Variants in WDFY4 observed in about 807,000 individuals in gnomAD.
The protein encoded by WDFY4 is WD repeat- and FYVE domain-containing protein 4.
WDFY4 carries 169 observed loss-of-function variants against 351.9 expected under a neutral mutation model. That is an observed-to-expected ratio of 0.48 (90% confidence interval 0.42 to 0.55). The LOEUF (loss-of-function observed/expected upper bound fraction) is 0.55. Among genes scored for constraint, WDFY4 ranks in the 20% least tolerant of loss-of-function variants. The pLI, the probability that WDFY4 is intolerant of heterozygous loss-of-function variation, is 0.00. For synonymous variants in WDFY4, 1,622 were observed against 1,574.6 expected, an observed-to-expected ratio of 1.03 and a Z score of -0.71; for missense variants, 3,803 against 3,935.6, an observed-to-expected ratio of 0.97 and a Z score of 0.90.
chr10:48,818,650 C>A (rs1471340160), intron 32 of WDFY4, among the ~76,000 whole-genome samples: 2 of 152,186 alleles, frequency 1.3e-5, no homozygotes, highest in Non-Finnish European at 2.9e-5. Context: ...TTGTCCTTTT[C>A]ATTACAGTCA....
intron 1 of WDFY4, 154 bp from the exon 2 acceptor site, chr10:48,709,562 T>C: frequency 1.5e-6 from 1 of 659,202 alleles, no homozygotes; most frequent in Admixed American, 2.9e-5. Flanking sequence ...AATCCCCTTT[T>C]TAAAAAGGCT....
chr10:48,830,314 G>A (rs2068146739), intron 37 of WDFY4, among the ~76,000 whole-genome samples: 2 of 152,188 alleles, frequency 1.3e-5, no homozygotes, highest in African/African-American at 4.8e-5. Context: ...GTTGGAAGGA[G>A]CTGTTTGAGT....
chr10:48,962,031 G>A (rs1841881275), intron 53 of WDFY4, among the ~76,000 whole-genome samples: 2 of 152,176 alleles, frequency 1.3e-5, no homozygotes, highest in Admixed American at 1.3e-4. Context: ...GAATGTTTGG[G>A]AAGAGCTTGA....
At chr10:48,780,779 A>T (rs941899750) in intron 19 of WDFY4, among the ~76,000 whole-genome samples, 2 of 152,180 alleles carry the variant, frequency 1.3e-5, no homozygotes, top group African/African-American at 4.8e-5. Context: ...GGATTTTCAC[A>T]CAAGTTCCAG....
chr10:48,929,175 A>C (rs1331650165), intron 47 of WDFY4, among the ~76,000 whole-genome samples: 2 of 152,076 alleles, frequency 1.3e-5, no homozygotes, highest in Admixed American at 6.5e-5. Flanking sequence ...AGGAAACATC[A>C]AGTGGAAAAG....
At chr10:48,745,782 A>G in intron 12 of WDFY4, 1 of 437,624 alleles carries the variant, frequency 2.3e-6, no homozygotes, top group South Asian at 2.1e-5. Context: ...GGGCAGCAGA[A>G]ACACCCATCT....
In WDFY4 at chr10:48,743,469, C is replaced by T; in HGVS notation, c.2380C>T (p.Pro794Ser). The T allele has an allele frequency of 2.6e-6, 4 of 1,548,266 alleles. No homozygotes were observed. The South Asian group carries it at 4.8e-5, about 18-fold the overall frequency. The change falls in exon 12 of 62, where the codon CCG becomes TCG. Residue 794 changes from proline (P) to serine (S), a missense_variant. Coordinates refer to ENST00000325239, the MANE Select transcript of WDFY4 (RefSeq NM_001394531.1). Reference protein sequence around the residue: ...LKESLRTKQGPVVDVQKGETG... With the variant: ...LKESLRTKQGSVVDVQKGETG... Reference sequence around the variant, plus strand: ...GGAGTCCCTGAGGACCAAGCAGGGGCCGGTTGTGGATGTTCAGAAGGGAGA... The same window carrying T: ...GGAGTCCCTGAGGACCAAGCAGGGGTCGGTTGTGGATGTTCAGAAGGGAGA...
At chr10:48,905,776 GC>G (rs1161498324) in intron 47 of WDFY4, among the ~76,000 whole-genome samples, 1 of 152,252 alleles carries the variant, frequency 6.6e-6, no homozygotes, top group East Asian at 1.9e-4. Flanking sequence ...TAAATAAACA[GC>G]CCCGGGCTTC....
In WDFY4 at chr10:48,830,957, C is replaced by A. The variant is rs2068169711; in HGVS notation, c.6526+72C>A. 8 of 1,463,714 alleles carry A rather than the reference C, an allele frequency of 5.5e-6. No homozygotes were observed. In the East Asian group the frequency reaches 1.7e-4, roughly 32 times the overall value. The allele number at this position is 1,463,714 out of a possible 1,614,324, so 90.7% of individuals were successfully genotyped here. A position where few individuals can be genotyped will look rare whatever the true frequency, so the allele number is the denominator to read the frequency against. On this transcript the variant is annotated intron_variant, in intron 38 of 61. Transcript: ENST00000325239. ...AGAGCCAGACTCCCGCAAGGTTCAA[C>A]TCAGTGCCTAGAGCCTTTTCCACCT...
At chr10:48,922,476 A>G (rs1490269816) in intron 47 of WDFY4, among the ~76,000 whole-genome samples, 4 of 152,258 alleles carry the variant, frequency 2.6e-5, no homozygotes, top group Non-Finnish European at 5.9e-5. Flanking sequence ...TAACATCTAC[A>G]GCAAGAATGA....
At chr10:48,861,266 C>A (rs533212741) in intron 39 of WDFY4, among the ~76,000 whole-genome samples, 12 of 152,134 alleles carry the variant, frequency 7.9e-5, no homozygotes, top group African/African-American at 2.9e-4. Flanking sequence ...TGTATCTACC[C>A]ATATTTATGT....
At chr10:48,883,389 G>GGT (rs71026226) in intron 43 of WDFY4, among the ~76,000 whole-genome samples, 53,284 of 150,598 alleles carry the variant, frequency 0.35, 11,508 homozygotes, top group Non-Finnish European at 0.49. Flanking sequence ...TTGTGCAAGG[G>GGT]GTGTGTGTGT....
chr10:48,768,961 G>C (rs2065771343), intron 13 of WDFY4, among the ~76,000 whole-genome samples: 1 of 152,212 alleles, frequency 6.6e-6, no homozygotes, highest in East Asian at 1.9e-4. Flanking sequence ...AGCTGAGACT[G>C]TCACTACGGC....
chr10:48,863,325 T>C (rs2069411195), intron 39 of WDFY4, among the ~76,000 whole-genome samples: 1 of 152,206 alleles, frequency 6.6e-6, no homozygotes, highest in South Asian at 2.1e-4. Context: ...GTATGAGAGT[T>C]TCTATTTATC....
chr10:48,790,027 G>T, intron 22 of WDFY4, 42 bp downstream of exon 22: 1 of 1,538,168 alleles, frequency 6.5e-7, no homozygotes, highest in African/African-American at 1.4e-5. Context: ...TGGGAAGCAG[G>T]GTTTGTGCTG....
rs1173078051 is a variant in WDFY4 at position 48,721,245 on chromosome 10, T to C, written c.350-16T>C. 6 of 1,551,274 alleles carry C rather than the reference T, an allele frequency of 3.9e-6. No homozygotes were observed. The highest frequency in any genetic ancestry group is 1.4e-5 in the African/African-American group (1 of 73,026). On this transcript the variant is annotated splice_polypyrimidine_tract_variant and intron_variant, in intron 3 of 61. Transcript: ENST00000325239. ...GGCAGGTCGCTGTATGCCCTGCTGG[T>C]GACACTTTCTTCCAGAGCAAGCTCG... is the stretch of plus-strand genomic sequence containing the variant.
chr10:48,756,638 T>G (rs574890453), intron 12 of WDFY4, among the ~76,000 whole-genome samples: 2 of 152,128 alleles, frequency 1.3e-5, no homozygotes, highest in Non-Finnish European at 2.9e-5. Context: ...AACAATTCCT[T>G]TGAATTTACT....
intron 47 of WDFY4, among the ~76,000 whole-genome samples, chr10:48,928,332 C>T (rs1212002435): frequency 6.9e-6 from 1 of 145,462 alleles, no homozygotes; most frequent in Non-Finnish European, 1.5e-5. Flanking sequence ...AATGCGTGGC[C>T]CTTGGAGGCT....
At chr10:48,685,620 G>A (rs919190392) in intron 1 of WDFY4, among the ~76,000 whole-genome samples, 5 of 152,152 alleles carry the variant, frequency 3.3e-5, no homozygotes, top group African/African-American at 4.8e-5. Context: ...CCTAAGCAGG[G>A]CCACCTGCTC....
Sources: allele counts gnomAD v4.1 joint callset (sites outside exome capture counted in the v4.1 genomes callset), GRCh38; gene constraint gnomAD v4.1.1; transcripts MANE v1.5; gene names NCBI Gene and HGNC (gene_info 2026-07-23, HGNC 2026-07-21).